The following NPAT variants were observed in gnomAD, a reference collection of about 807,000 sequenced individuals.
The protein encoded by NPAT is nuclear protein, coactivator of histone transcription.
NPAT carries 52 observed loss-of-function variants against 130.7 expected under a neutral mutation model. The observed-to-expected ratio is 0.40, with a 90% confidence interval of 0.32 to 0.50. The LOEUF is 0.50. Among genes scored for constraint, NPAT ranks in the 20% least tolerant of loss-of-function variants. The probability of loss-of-function intolerance (pLI) is 0.68; values close to 1 mark genes in which losing one functional copy is unlikely to be tolerated. For missense variants in NPAT, 1,687 were observed against 1,662.6 expected, an observed-to-expected ratio of 1.01 and a Z score of -0.26; for synonymous variants, 580 against 584.8, an observed-to-expected ratio of 0.99 and a Z score of 0.12.
chr11:108,175,706 A>T (rs1476176001), intron 12 of NPAT, among the ~76,000 whole-genome samples: 3 of 152,214 alleles, frequency 2.0e-5, no homozygotes, highest in Non-Finnish European at 4.4e-5. Context: ...GATGTGAATG[A>T]ACACTGGAAG....
intron 1 of NPAT, among the ~76,000 whole-genome samples, chr11:108,202,619 C>T (rs1177195592): frequency 6.6e-6 from 1 of 152,164 alleles, no homozygotes; most frequent in Non-Finnish European, 1.5e-5. Context: ...ATGTGGTTTT[C>T]AGGTAAAAAT....
chr11:108,198,005 G>A (rs1409095463), intron 1 of NPAT, among the ~76,000 whole-genome samples: 1 of 152,108 alleles, frequency 6.6e-6, no homozygotes, highest in Non-Finnish European at 1.5e-5. Context: ...AGGCAGAGTG[G>A]GTCAACTGCT....
intron 15 of NPAT, among the ~76,000 whole-genome samples, chr11:108,166,954 C>T (rs1175810404): frequency 6.6e-6 from 1 of 152,070 alleles, no homozygotes; most frequent in Admixed American, 6.6e-5. Context: ...AAATATTCTC[C>T]ATTTCTAACA....
At chr11:108,200,591 T>G (rs189210128) in intron 1 of NPAT, among the ~76,000 whole-genome samples, 63 of 152,262 alleles carry the variant, frequency 4.1e-4, no homozygotes, top group African/African-American at 1.5e-3. Context: ...GGATCCCACC[T>G]CCTTCTCTAA....
chr11:108,213,445 G>A (rs1489589503), intron 1 of NPAT, among the ~76,000 whole-genome samples: 1 of 152,170 alleles, frequency 6.6e-6, no homozygotes, highest in African/African-American at 2.4e-5. Flanking sequence ...TTAGGAATAA[G>A]TTTAACAAAA....
intron 8 of NPAT, among the ~76,000 whole-genome samples, chr11:108,186,224 C>G (rs1227497941): frequency 6.6e-6 from 1 of 151,944 alleles, no homozygotes; most frequent in African/African-American, 2.4e-5. Flanking sequence ...ACCATGTTGC[C>G]CAGGTTGGTC....
intron 2 of NPAT, among the ~76,000 whole-genome samples, 194 bp from the exon 3 acceptor site, chr11:108,194,211 C>A (rs1340773355): frequency 6.6e-6 from 1 of 152,200 alleles, no homozygotes; most frequent in Non-Finnish European, 1.5e-5. Flanking sequence ...TCTAAAGAAT[C>A]TTGCCTGTTT....
At chr11:108,188,052 T>C in intron 7 of NPAT, 46 bp downstream of exon 7, 1 of 1,337,940 alleles carries the variant, frequency 7.5e-7, no homozygotes, top group Non-Finnish European at 1.1e-6. Context: ...CTTTTTTTTT[T>C]TTTTTAATGG....
chr11:108,169,593 T>G, intron 15 of NPAT, 151 bp downstream of exon 15: 1 of 671,544 alleles, frequency 1.5e-6, no homozygotes. Context: ...CAGTAACAGT[T>G]GGCTGCATTA....
intron 5 of NPAT, among the ~76,000 whole-genome samples, chr11:108,189,868 T>TC (rs1555044029): frequency 1.8e-5 from 2 of 108,594 alleles, no homozygotes; most frequent in African/African-American, 7.8e-5. Context: ...AGACTCCGTC[T>TC]CAAAAAAAAA....
intron 7 of NPAT, among the ~76,000 whole-genome samples, chr11:108,187,229 T>C (rs1191390583): frequency 6.6e-6 from 1 of 152,144 alleles, no homozygotes; most frequent in African/African-American, 2.4e-5. Context: ...GGTGGGAAGA[T>C]CACTTGAAGC....
intron 13 of NPAT, chr11:108,170,292 TTA>T: frequency 2.3e-6 from 1 of 442,948 alleles, no homozygotes; most frequent in Admixed American, 3.5e-5. Flanking sequence ...GGTCTTAATG[TTA>T]TTCAGTCAGT....
At chr11:108,178,353 G>A (rs768076431) in intron 10 of NPAT, among the ~76,000 whole-genome samples, 17 of 152,198 alleles carry the variant, frequency 1.1e-4, no homozygotes, top group Middle Eastern at 6.8e-3. Flanking sequence ...AGTGTTTCTG[G>A]GGGAGTATGA....
At chr11:108,206,080 T>C (rs192862209) in intron 1 of NPAT, among the ~76,000 whole-genome samples, 2 of 152,246 alleles carry the variant, frequency 1.3e-5, no homozygotes, top group Admixed American at 1.3e-4. Flanking sequence ...AATAAAATAG[T>C]ATAAGTGTTT....
chr11:108,189,345 C>T lies in NPAT; in HGVS notation c.332-15G>A, dbSNP rs915213366. The T allele has an allele frequency of 3.1e-6, 5 of 1,613,236 alleles. No homozygotes were observed. Among genetic ancestry groups the T allele is most frequent in the Non-Finnish European group, 4.2e-6 (5 of 1,179,238 alleles). On this transcript the variant is annotated splice_polypyrimidine_tract_variant and intron_variant, in intron 5 of 17. Transcript: ENST00000278612. ...TCTCGTTCGGGCTGAAACATATAAG[C>T]ATTTAAAAAACAAATTCAACGTCAG... is the stretch of plus-strand genomic sequence containing the variant.
chr11:108,200,615 C>T (rs1300813793), intron 1 of NPAT, among the ~76,000 whole-genome samples: 1 of 152,132 alleles, frequency 6.6e-6, no homozygotes, highest in Non-Finnish European at 1.5e-5. Flanking sequence ...GAGACAATAT[C>T]CCCTAAAACC....
chr11:108,176,079 A>C (rs953955224), intron 12 of NPAT, among the ~76,000 whole-genome samples, 167 bp downstream of exon 12: 1 of 152,236 alleles, frequency 6.6e-6, no homozygotes, highest in Non-Finnish European at 1.5e-5. Context: ...ATTTTCTTTT[A>C]ATCAAACTAC....
Position 108,158,955 on chromosome 11 carries a change from T to C in NPAT, c.4271A>G (p.His1424Arg), listed in dbSNP as rs1182153328. The change falls in exon 18 of 18, where the codon CAT (histidine) becomes CGT (arginine). Residue 1424 changes from histidine to arginine, a missense_variant. Coordinates refer to ENST00000278612, the MANE Select transcript of NPAT (RefSeq NM_002519.3). ...MDVDKFLLSL[H>R]YDE ...TGTCCAGAATGTTTACTCATCATAA[T>C]GCAATGATAACAAAAATTTGTCTAC... 6.3e-7 allele frequency: 1 copy of C among 1,596,644 alleles called. No homozygotes were observed.
intron 15 of NPAT, among the ~76,000 whole-genome samples, chr11:108,167,750 A>G (rs920679): frequency 0.28 from 42,889 of 152,136 alleles, 7,272 homozygotes; most frequent in Middle Eastern, 0.54. Flanking sequence ...AGCTTTTATC[A>G]TAAATGGATG....
Sources: allele counts gnomAD v4.1 joint callset (sites outside exome capture counted in the v4.1 genomes callset), GRCh38; gene constraint gnomAD v4.1.1; transcripts MANE v1.5; gene names NCBI Gene and HGNC (gene_info 2026-07-23, HGNC 2026-07-21).